LRRTM4: variants seen among roughly 807,000 people sequenced by gnomAD.
The protein encoded by LRRTM4 is leucine rich repeat transmembrane neuronal 4, also known as leucine-rich repeat transmembrane neuronal protein 4.
LRRTM4 carries 25 observed loss-of-function variants against 47.6 expected under a neutral mutation model. The ratio of observed to expected loss-of-function variants is 0.53; its 90% confidence interval spans 0.38 to 0.73. The LOEUF (loss-of-function observed/expected upper bound fraction) is 0.73, where lower values mean the gene tolerates loss of function less well. Ranked by LOEUF, LRRTM4 falls within the 30% of genes least tolerant of loss-of-function variation. The pLI, the probability that LRRTM4 is intolerant of heterozygous loss-of-function variation, is 0.00. For missense variants in LRRTM4, 638 were observed against 713.4 expected (o/e 0.89, Z 1.20); for synonymous variants, 311 against 269.5 (o/e 1.15, Z -1.51).
chr2:77,076,324 T>A (rs1394138591), intron 3 of LRRTM4, among the ~76,000 whole-genome samples: 1 of 152,164 alleles, frequency 6.6e-6, no homozygotes, highest in Non-Finnish European at 1.5e-5. Flanking sequence ...TGCAATGTAT[T>A]TGCATATTTT....
intron 3 of LRRTM4, among the ~76,000 whole-genome samples, chr2:77,481,575 A>G (rs1922819): frequency 0.29 from 44,295 of 150,200 alleles, 6,781 homozygotes; most frequent in African/African-American, 0.37. Flanking sequence ...AAAGCCAGAG[A>G]AAAAAAAAAG....
intron 3 of LRRTM4, among the ~76,000 whole-genome samples, chr2:77,249,364 A>C: frequency 6.6e-6 from 1 of 152,106 alleles, no homozygotes; most frequent in East Asian, 1.9e-4. Flanking sequence ...AAAATAAAAT[A>C]AATAAAATGA....
At chr2:76,761,992 T>A (rs749376833) in intron 3 of LRRTM4, among the ~76,000 whole-genome samples, 1 of 152,198 alleles carries the variant, frequency 6.6e-6, no homozygotes, top group Non-Finnish European at 1.5e-5. Context: ...TAGGAGGAGA[T>A]GATCTGTATG....
chr2:77,043,271 G>A (rs1679098767), intron 3 of LRRTM4, among the ~76,000 whole-genome samples: 1 of 151,748 alleles, frequency 6.6e-6, no homozygotes. Context: ...TGGAGTTAAT[G>A]TTCCACCAAC....
At position 77,415,799 on chromosome 2, in the gene LRRTM4, G is replaced by A. The variant is rs562154449; in HGVS notation, c.1551+102519C>T. On this transcript the variant is annotated intron_variant, in intron 3 of 3. Transcript: ENST00000409884. ...TACTCAACTGGGCTTAATTCCTTGA[G>A]AGCAGAGGTAGGTTTTGTATCATAG... is the stretch of plus-strand genomic sequence containing the variant. 5.9e-5 allele frequency among the ~76,000 whole-genome samples: 9 copies of A among 152,170 alleles called. No individual in the cohort carries two copies. In the East Asian group the frequency reaches 1.7e-3, roughly 29 times the overall value.
At chr2:77,149,648 G>C (rs1205617033) in intron 3 of LRRTM4, among the ~76,000 whole-genome samples, 1 of 152,170 alleles carries the variant, frequency 6.6e-6, no homozygotes, top group Non-Finnish European at 1.5e-5. Context: ...GACATATCAG[G>C]CTTTTCTGAG....
chr2:77,472,886 A>T (rs1677245094), intron 3 of LRRTM4, among the ~76,000 whole-genome samples: 1 of 152,160 alleles, frequency 6.6e-6, no homozygotes, highest in African/African-American at 2.4e-5. Context: ...ACAAGTCAAT[A>T]TCAGGTATAT....
intron 3 of LRRTM4, among the ~76,000 whole-genome samples, chr2:76,821,496 A>C (rs76527917): frequency 0.027 from 4,027 of 151,732 alleles, 179 homozygotes; most frequent in African/African-American, 0.078. Flanking sequence ...CATCACAAGA[A>C]ATCTAAAGGC....
At chr2:77,061,907 TA>T (rs140288548) in intron 3 of LRRTM4, among the ~76,000 whole-genome samples, 2,091 of 152,316 alleles carry the variant, frequency 0.014, 50 homozygotes, top group African/African-American at 0.048. Context: ...ACATAGTATT[TA>T]ATAGTTGATA....
chr2:77,473,018 C>A (rs573710705), intron 3 of LRRTM4, among the ~76,000 whole-genome samples: 1 of 152,142 alleles, frequency 6.6e-6, no homozygotes, highest in African/African-American at 2.4e-5. Flanking sequence ...TAGATACATA[C>A]AAAAATTAAA....
chr2:76,786,366 T>A (rs988607747), intron 3 of LRRTM4, among the ~76,000 whole-genome samples: 1 of 152,124 alleles, frequency 6.6e-6, no homozygotes, highest in African/African-American at 2.4e-5. Flanking sequence ...CCACAAATGA[T>A]GAATAGGCAA....
Position 76,869,759 on chromosome 2 carries a change from G to A in LRRTM4, c.1552-120843C>T, listed in dbSNP as rs539241852. 5.3e-5 allele frequency among the ~76,000 whole-genome samples: 8 copies of A among 151,860 alleles called. No individual in the cohort carries two copies. In the South Asian group the frequency reaches 1.7e-3, roughly 32 times the overall value. On this transcript the variant is annotated intron_variant, in intron 3 of 3. Transcript: ENST00000409884. ...AGAGTTTGTATTATAAGATTTTAAG[G>A]GAACTTTAAAGAAAGGCACAAAAGA...
intron 3 of LRRTM4, among the ~76,000 whole-genome samples, chr2:77,038,169 A>C (rs1028587767): frequency 6.6e-6 from 1 of 151,618 alleles, no homozygotes; most frequent in African/African-American, 2.4e-5. Flanking sequence ...AAAAATTGCA[A>C]GGACTAATTC....
chr2:76,902,637 A>G (rs1199455494), intron 3 of LRRTM4, among the ~76,000 whole-genome samples: 1 of 152,194 alleles, frequency 6.6e-6, no homozygotes, highest in Non-Finnish European at 1.5e-5. Context: ...AAGACAACAT[A>G]AAGAGACTTT....
chr2:77,064,483 T>C (rs940611716), intron 3 of LRRTM4, among the ~76,000 whole-genome samples: 2 of 152,168 alleles, frequency 1.3e-5, no homozygotes, highest in African/African-American at 2.4e-5. Flanking sequence ...TTCAGGGAAA[T>C]TGTGACAGAT....
chr2:77,471,704 T>C (rs905048415), intron 3 of LRRTM4, among the ~76,000 whole-genome samples: 3 of 152,196 alleles, frequency 2.0e-5, no homozygotes, highest in African/African-American at 7.2e-5. Context: ...TGGAGGTCTC[T>C]GTTCAAATGC....
At chr2:76,983,683 C>A (rs984015077) in intron 3 of LRRTM4, among the ~76,000 whole-genome samples, 1 of 151,970 alleles carries the variant, frequency 6.6e-6, no homozygotes, top group African/African-American at 2.4e-5. Flanking sequence ...TAATTTGACT[C>A]CTTTTTTCAA....
chr2:77,074,900 G>C (rs1680281571), intron 3 of LRRTM4, among the ~76,000 whole-genome samples: 1 of 136,866 alleles, frequency 7.3e-6, no homozygotes, highest in Non-Finnish European at 1.5e-5. Context: ...GCAGAGGTTT[G>C]ACTTAAGTTT....
chr2:76,793,290 G>C (rs527674602), intron 3 of LRRTM4, among the ~76,000 whole-genome samples: 1 of 152,146 alleles, frequency 6.6e-6, no homozygotes, highest in South Asian at 2.1e-4. Flanking sequence ...CCAAGGGTGT[G>C]GGTCATGGGT....
Sources: gnomAD v4.1 joint callset for allele counts (sites outside exome capture counted in the v4.1 genomes callset) on GRCh38, gnomAD v4.1.1 for gene constraint, MANE v1.5 for transcripts, NCBI Gene and HGNC (gene_info 2026-07-23, HGNC 2026-07-21) for gene names.